Variants in OTOGL observed in about 807,000 individuals in gnomAD.
The protein encoded by OTOGL is otogelin like, also known as otogelin-like protein.
In OTOGL, 285 loss-of-function variants were observed where a neutral mutation model predicts 318.5. The observed-to-expected ratio is 0.89, with a 90% CI of 0.81 to 0.99. The LOEUF (loss-of-function observed/expected upper bound fraction) is 0.99. Among genes scored for constraint, OTOGL ranks in the 50% least tolerant of loss-of-function variants. OTOGL has a pLI of 0.00. For missense variants in OTOGL, 2,899 were observed against 2,845.6 expected (o/e 1.02, Z -0.43); for synonymous variants, 987 against 936.5 (o/e 1.05, Z -0.99).
chr12:80,116,870 A>G (rs1014313770), intron 1 of OTOGL, among the ~76,000 whole-genome samples: 3 of 152,220 alleles, frequency 2.0e-5, no homozygotes, highest in East Asian at 3.9e-4. Context: ...ATGAACTCTC[A>G]TCTGTCATTG....
At chr12:80,373,872 T>G (rs1050879299) in intron 57 of OTOGL, among the ~76,000 whole-genome samples, 1 of 152,082 alleles carries the variant, frequency 6.6e-6, no homozygotes, top group Non-Finnish European at 1.5e-5. Flanking sequence ...TCTGGAACAT[T>G]GCCAGGACAA....
At chr12:80,369,544 A>AG in intron 55 of OTOGL, among the ~76,000 whole-genome samples, 1 of 151,828 alleles carries the variant, frequency 6.6e-6, no homozygotes, top group Non-Finnish European at 1.5e-5. Context: ...TGAATCATGA[A>AG]TAGTAGTAAG....
At chr12:80,170,589 A>G (rs1874140935) in intron 1 of OTOGL, among the ~76,000 whole-genome samples, 1 of 151,942 alleles carries the variant, frequency 6.6e-6, no homozygotes, top group Non-Finnish European at 1.5e-5. Context: ...GCTTGCCACC[A>G]TGCCCGTATA....
intron 33 of OTOGL, 25 bp from the exon 34 acceptor site, chr12:80,320,397 A>C: frequency 6.3e-7 from 1 of 1,577,578 alleles, no homozygotes; most frequent in Non-Finnish European, 8.6e-7. Context: ...TCTCCTGAGA[A>C]TCCACACTGC....
intron 1 of OTOGL, among the ~76,000 whole-genome samples, chr12:80,171,609 C>T (rs1032093923): frequency 3.3e-5 from 5 of 152,104 alleles, no homozygotes; most frequent in Non-Finnish European, 7.4e-5. Flanking sequence ...GTTCTGTGAA[C>T]CCTCCAAATT....
chr12:80,141,483 T>C (rs1419258856), intron 1 of OTOGL, among the ~76,000 whole-genome samples: 2 of 152,182 alleles, frequency 1.3e-5, no homozygotes, highest in African/African-American at 4.8e-5. Flanking sequence ...TCCAGAGAAC[T>C]TGAGTATTCT....
At chr12:80,326,796 T>C (rs1456680579) in intron 35 of OTOGL, among the ~76,000 whole-genome samples, 3 of 152,318 alleles carry the variant, frequency 2.0e-5, no homozygotes, top group African/African-American at 2.4e-5. Context: ...GCTAAATGTG[T>C]TTCATTAAAC....
intron 1 of OTOGL, among the ~76,000 whole-genome samples, chr12:80,174,685 G>A (rs1874414616): frequency 6.6e-6 from 1 of 152,094 alleles, no homozygotes; most frequent in South Asian, 2.1e-4. Flanking sequence ...AACAGTATTA[G>A]CTTAATCTTG....
At chr12:80,227,917 T>C (rs1270753700) in intron 7 of OTOGL, among the ~76,000 whole-genome samples, 2 of 152,268 alleles carry the variant, frequency 1.3e-5, no homozygotes, top group East Asian at 3.9e-4. Context: ...TTAATATTTC[T>C]CCTTAATATC....
chr12:80,217,705 A>C, intron 5 of OTOGL, 41 bp downstream of exon 5: 1 of 1,390,764 alleles, frequency 7.2e-7, no homozygotes, highest in Non-Finnish European at 9.8e-7. Flanking sequence ...GCTTTCTCAG[A>C]AAATCCCTTT....
intron 18 of OTOGL, 27 bp downstream of exon 18, chr12:80,258,029 A>AT: frequency 6.5e-7 from 1 of 1,531,032 alleles, no homozygotes; most frequent in Non-Finnish European, 8.7e-7. Context: ...CATAGTTAAC[A>AT]TACTTAATGA....
chr12:80,101,631 A>G (rs996402862), intron 1 of OTOGL, among the ~76,000 whole-genome samples: 4 of 152,368 alleles, frequency 2.6e-5, no homozygotes, highest in African/African-American at 4.8e-5. Context: ...TGCCTAGTCC[A>G]GTATCTATGT....
Position 80,252,184 on chromosome 12 carries a change from G to T in OTOGL, c.1268G>T (p.Gly423Val). The T allele has an allele frequency of 6.3e-7, 1 of 1,598,336 alleles. No individual in the cohort carries two copies. ...GGGAGCAATCTCCATTGTCTTGATG[G>T]ATGTTACTGCCCAGATGGTAAGTGC... is the stretch of plus-strand genomic sequence containing the variant. ...CLGSNLHCLDGCYCPDGLVMD... is the reference protein window; with the variant it reads ...CLGSNLHCLDVCYCPDGLVMD... Residue 423 changes from glycine (G) to valine (V), a missense_variant, in exon 13 of 59, where the codon GGA becomes GTA. This residue lies in a region of OTOGL where 2,607 missense variants were observed against 2,524.9 expected (regional missense o/e 1.03). Transcript: ENST00000547103.
chr12:80,229,170 T>A (rs1879140300), intron 7 of OTOGL, 87 bp from the exon 8 acceptor site: 6 of 1,430,276 alleles, frequency 4.2e-6, no homozygotes, highest in Non-Finnish European at 5.7e-6. Context: ...CTAATGAAAC[T>A]ATATGATTGT....
chr12:80,132,711 A>G (rs529479715), intron 1 of OTOGL: 1 of 152,328 alleles, frequency 6.6e-6, no homozygotes, highest in Non-Finnish European at 1.5e-5. Flanking sequence ...CCACTTACAA[A>G]TTAAATATTC....
chr12:80,138,543 C>A (rs745716342), intron 1 of OTOGL, among the ~76,000 whole-genome samples: 3 of 151,854 alleles, frequency 2.0e-5, no homozygotes, highest in Non-Finnish European at 4.4e-5. Flanking sequence ...TTTTTTCATC[C>A]CCTATATTTC....
At chr12:80,191,393 G>T (rs11114349) in intron 1 of OTOGL, among the ~76,000 whole-genome samples, 2 of 152,068 alleles carry the variant, frequency 1.3e-5, no homozygotes, top group Non-Finnish European at 2.9e-5. Flanking sequence ...AGCCAAGATC[G>T]TGCCACTGCA....
At chr12:80,290,410 GAC>G (rs1295778178) in intron 26 of OTOGL, among the ~76,000 whole-genome samples, 1 of 151,464 alleles carries the variant, frequency 6.6e-6, no homozygotes, top group Non-Finnish European at 1.5e-5. Context: ...CATGTCTATG[GAC>G]CATATTTTGA....
Position 80,367,715 on chromosome 12 carries a change from G to T in OTOGL, c.6486G>T (p.Val2162=). 7.0e-7 allele frequency: 1 copy of T among 1,431,744 alleles called. No homozygotes were observed. Among genetic ancestry groups the T allele is most frequent in the South Asian group, 1.6e-5 (1 of 63,372 alleles). The allele number at this position is 1,431,744 out of a possible 1,614,324, so 88.7% of individuals were successfully genotyped here. ...TTCACACTCTGAATTTTACACTGGT[G>T]AATTGTTCAAAAAAATGTGATGTTG... ...TGFHTLNFTL[V]NCSKKCDVHQ... is the part of the protein sequence containing the mutation. Residue 2162 remains valine, a synonymous_variant, in exon 54 of 59, where the codon GTG becomes GTT. Transcript: ENST00000547103.
Sources: allele counts gnomAD v4.1 joint callset (sites outside exome capture counted in the v4.1 genomes callset), GRCh38; gene constraint gnomAD v4.1.1; regional missense constraint gnomAD v4.1.1; transcripts MANE v1.5; gene names NCBI Gene and HGNC (gene_info 2026-07-23, HGNC 2026-07-21).